Variants in BLTP3B observed in about 807,000 individuals in gnomAD.
BLTP3B encodes bridge-like lipid transfer protein family member 3B, also known as UHRF1 (ICBP90) binding protein 1-like.
At chr12:100,129,843 A>T in the BLTP3B span, among the ~76,000 whole-genome samples, 5 of 152,324 alleles carry the variant, frequency 3.3e-5, no homozygotes, top group East Asian at 9.6e-4. Context: ...GACCTAAAAA[A>T]TTACCCTTAA....
At chr12:100,069,898 T>A in the BLTP3B span, 2 of 989,034 alleles carry the variant, frequency 2.0e-6, no homozygotes, top group Non-Finnish European at 2.4e-6. Context: ...TAGAATAAAA[T>A]TTTTAAAAAT....
chr12:100,071,955 TA>T, the BLTP3B span, among the ~76,000 whole-genome samples: 1 of 152,216 alleles, frequency 6.6e-6, no homozygotes, highest in Non-Finnish European at 1.5e-5. Flanking sequence ...ATATCTGGAA[TA>T]AAATGAACAT....
At chr12:100,093,201 G>A in the BLTP3B span, among the ~76,000 whole-genome samples, 2 of 152,134 alleles carry the variant, frequency 1.3e-5, no homozygotes, top group Non-Finnish European at 2.9e-5. Context: ...GTCCCCCAGA[G>A]AATTCTGCAG....
the BLTP3B span, among the ~76,000 whole-genome samples, chr12:100,115,749 G>A: frequency 6.6e-6 from 1 of 151,658 alleles, no homozygotes; most frequent in Admixed American, 6.6e-5. Context: ...GTGACAGAGT[G>A]AGATCCTGTC....
the BLTP3B span, chr12:100,142,861 C>T: frequency 1.8e-6 from 1 of 549,112 alleles, no homozygotes; most frequent in Non-Finnish European, 3.1e-6. Context: ...GCTGCAGCAT[C>T]ACCTAAGAGA....
the BLTP3B span, among the ~76,000 whole-genome samples, chr12:100,086,543 T>A: frequency 6.6e-6 from 1 of 152,144 alleles, no homozygotes; most frequent in African/African-American, 2.4e-5. Context: ...CCCCCCTCAT[T>A]TGTAAGGCAC....
chr12:100,083,219 T>C, the BLTP3B span: 624 of 864,222 alleles, frequency 7.2e-4, 7 homozygotes, highest in African/African-American at 9.7e-3. Flanking sequence ...GTACCAGAAA[T>C]ATATGTGAAT....
chr12:100,059,663 G>A, the BLTP3B span: 107 of 1,168,320 alleles, frequency 9.2e-5, 1 homozygote, highest in South Asian at 1.4e-3. Flanking sequence ...CTATTAAGAC[G>A]TAAAACACTA....
At chr12:100,059,607 G>T in the BLTP3B span, 1 of 1,441,458 alleles carries the variant, frequency 6.9e-7, no homozygotes, top group Non-Finnish European at 9.2e-7. Context: ...ACATGACTTA[G>T]CTCAGAAATT....
chr12:100,046,319 A>G, the BLTP3B span, among the ~76,000 whole-genome samples: 3 of 152,188 alleles, frequency 2.0e-5, no homozygotes, highest in East Asian at 5.8e-4. Flanking sequence ...AAGACTTGGA[A>G]CCAACCCAAA....
the BLTP3B span, among the ~76,000 whole-genome samples, chr12:100,094,381 G>C: frequency 1.3e-5 from 2 of 152,104 alleles, no homozygotes; most frequent in Non-Finnish European, 2.9e-5. Context: ...AAAGTACTGG[G>C]ATTATAGACA....
chr12:100,076,388 C>CT, the BLTP3B span, among the ~76,000 whole-genome samples: 15,155 of 110,186 alleles, frequency 0.14, 1,537 homozygotes, highest in African/African-American at 0.24. Flanking sequence ...CCTCAGCAAT[C>CT]TTTTTTTTTT....
chr12:100,098,267 G>T, the BLTP3B span: 1 of 1,399,794 alleles, frequency 7.1e-7, no homozygotes, highest in Non-Finnish European at 9.5e-7. Flanking sequence ...AAGTTAAAAG[G>T]CAACCATGAG....
chr12:100,093,558 G>A, the BLTP3B span, among the ~76,000 whole-genome samples: 1 of 152,140 alleles, frequency 6.6e-6, no homozygotes, highest in Admixed American at 6.5e-5. Flanking sequence ...TTGTTTCCCA[G>A]AGGAGTTTTT....
chr12:100,117,221 T>C, the BLTP3B span, among the ~76,000 whole-genome samples: 4 of 152,302 alleles, frequency 2.6e-5, no homozygotes, highest in African/African-American at 9.6e-5. Flanking sequence ...TTCCAAAATG[T>C]TCAGTAAGAA....
At chr12:100,128,800 A>G in the BLTP3B span, 1 of 1,174,496 alleles carries the variant, frequency 8.5e-7, no homozygotes, top group South Asian at 1.6e-5. Context: ...AATGATGATT[A>G]AAAAAATTTA....
the BLTP3B span, among the ~76,000 whole-genome samples, chr12:100,052,305 A>G: frequency 6.6e-6 from 1 of 152,010 alleles, no homozygotes; most frequent in Non-Finnish European, 1.5e-5. Context: ...GGCCTCCCAT[A>G]GTGCTAGGAT....
At chr12:100,069,815 A>T in the BLTP3B span, 2 of 409,966 alleles carry the variant, frequency 4.9e-6, no homozygotes, top group Non-Finnish European at 6.6e-6. Flanking sequence ...TAAACAACTT[A>T]CTTATGTAAC....
chr12:100,130,538 T>C, the BLTP3B span, among the ~76,000 whole-genome samples: 1 of 152,214 alleles, frequency 6.6e-6, no homozygotes, highest in Admixed American at 6.5e-5. Context: ...CTATATTCTT[T>C]AAAAATAAGA....
Sources: allele counts gnomAD v4.1 joint callset (sites outside exome capture counted in the v4.1 genomes callset), GRCh38; gene constraint gnomAD v4.1.1; transcripts MANE v1.5; gene names NCBI Gene and HGNC (gene_info 2026-07-23, HGNC 2026-07-21).